Variants in MAP2K4 observed in about 807,000 individuals in gnomAD.
The protein encoded by MAP2K4 is dual specificity mitogen-activated protein kinase kinase 4.
MAP2K4 carries 4 observed loss-of-function variants against 48.5 expected under a neutral mutation model. That is an observed-to-expected ratio of 0.08 (90% CI 0.04 to 0.19). The LOEUF (loss-of-function observed/expected upper bound fraction) is 0.19. Ranked by LOEUF, MAP2K4 falls within the 10% of genes least tolerant of loss-of-function variation. MAP2K4 has a pLI of 1.00. For synonymous variants in MAP2K4, 166 were observed against 173.1 expected (o/e 0.96, Z 0.32); for missense variants, 258 against 493.3 (o/e 0.52, Z 4.52).
At chr17:12,043,310 A>G (rs1969854214) in intron 1 of MAP2K4, among the ~76,000 whole-genome samples, 1 of 152,168 alleles carries the variant, frequency 6.6e-6, no homozygotes, top group Admixed American at 6.5e-5. Context: ...GGAAATTTTT[A>G]TTTCATATTT....
chr17:12,130,676 T>C (rs1157869930), intron 9 of MAP2K4, among the ~76,000 whole-genome samples: 1 of 152,186 alleles, frequency 6.6e-6, no homozygotes, highest in Non-Finnish European at 1.5e-5. Flanking sequence ...GGTTCATAGT[T>C]CCATGTCATT....
chr17:12,126,956 T>A (rs1463065026), intron 8 of MAP2K4, among the ~76,000 whole-genome samples: 1 of 152,188 alleles, frequency 6.6e-6, no homozygotes, highest in East Asian at 1.9e-4. Flanking sequence ...CAGTTTTTGC[T>A]ACCTAAGACT....
At chr17:12,065,258 ATATTAT>A (rs147921985) in intron 2 of MAP2K4, among the ~76,000 whole-genome samples, 24,312 of 136,174 alleles carry the variant, frequency 0.18, 2,464 homozygotes, top group South Asian at 0.32. Context: ...ATATATACAT[ATATTAT>A]TATTATTATT....
intron 1 of MAP2K4, 58 bp downstream of exon 1, chr17:12,021,059 G>T: frequency 9.3e-7 from 1 of 1,072,252 alleles, no homozygotes; most frequent in Non-Finnish European, 1.2e-6. Context: ...CCGCGTCGTC[G>T]CGGCCTGCCC....
intron 1 of MAP2K4, among the ~76,000 whole-genome samples, chr17:12,051,790 T>C (rs1326509959): frequency 1.3e-5 from 2 of 152,140 alleles, no homozygotes; most frequent in Non-Finnish European, 2.9e-5. Flanking sequence ...TCTGAATACA[T>C]GGTGACAGAT....
At chr17:12,058,673 A>G (rs1335356954) in intron 2 of MAP2K4, among the ~76,000 whole-genome samples, 1 of 152,030 alleles carries the variant, frequency 6.6e-6, no homozygotes, top group East Asian at 1.9e-4. Flanking sequence ...TTTTCCTTCA[A>G]CCCCTTAGTT....
At chr17:12,091,232 T>C (rs1411944190) in intron 3 of MAP2K4, among the ~76,000 whole-genome samples, 1 of 152,246 alleles carries the variant, frequency 6.6e-6, no homozygotes, top group Admixed American at 6.5e-5. Context: ...ATCGATGTTA[T>C]AAGCTGTCAA....
chr17:12,083,562 G>T (rs1307061419), intron 3 of MAP2K4, among the ~76,000 whole-genome samples: 1 of 152,184 alleles, frequency 6.6e-6, no homozygotes, highest in Non-Finnish European at 1.5e-5. Context: ...GAGGATGGCA[G>T]TACAACACAT....
At chr17:12,043,606 A>T (rs1366434319) in intron 1 of MAP2K4, among the ~76,000 whole-genome samples, 1 of 152,122 alleles carries the variant, frequency 6.6e-6, no homozygotes, top group African/African-American at 2.4e-5. Context: ...AGCATGTCTT[A>T]TGGAACTCAG....
At chr17:12,093,903 G>A (rs556905190) in intron 3 of MAP2K4, among the ~76,000 whole-genome samples, 73 of 152,220 alleles carry the variant, frequency 4.8e-4, no homozygotes, top group Middle Eastern at 3.4e-3. Flanking sequence ...TATAAAGGTA[G>A]AATATTTACA....
chr17:12,122,672 G>A (rs973542084), intron 7 of MAP2K4, among the ~76,000 whole-genome samples: 9 of 152,078 alleles, frequency 5.9e-5, no homozygotes, highest in African/African-American at 2.2e-4. Context: ...GTAGAATCCT[G>A]AATAGTAATA....
intron 2 of MAP2K4, among the ~76,000 whole-genome samples, chr17:12,073,859 T>C (rs534176771): frequency 1.3e-5 from 2 of 151,220 alleles, no homozygotes; most frequent in South Asian, 4.2e-4. Flanking sequence ...TGGGAACCTC[T>C]GCCTCCCGGG....
chr17:12,054,256 A>G (rs1047405719), intron 1 of MAP2K4, among the ~76,000 whole-genome samples: 4 of 152,160 alleles, frequency 2.6e-5, no homozygotes, highest in Non-Finnish European at 5.9e-5. Flanking sequence ...ATAGGTGTAT[A>G]TGTAACATTT....
chr17:12,040,233 T>A (rs1969736025), intron 1 of MAP2K4, among the ~76,000 whole-genome samples: 1 of 152,142 alleles, frequency 6.6e-6, no homozygotes, highest in Non-Finnish European at 1.5e-5. Flanking sequence ...TTTTCAGACA[T>A]ATGTGGGCTT....
intron 7 of MAP2K4, chr17:12,124,230 G>A (rs1384161428): frequency 6.6e-6 from 1 of 152,208 alleles, no homozygotes; most frequent in African/African-American, 2.4e-5. Flanking sequence ...TTCAACAGCA[G>A]TTACTCTCAG....
chr17:12,039,761 T>C (rs1969717241), intron 1 of MAP2K4, among the ~76,000 whole-genome samples: 2 of 152,218 alleles, frequency 1.3e-5, no homozygotes, highest in African/African-American at 4.8e-5. Context: ...GCACACATTG[T>C]GTTTGGTTGA....
At chr17:12,056,521 AGTATT>A (rs1472211392) in intron 2 of MAP2K4, among the ~76,000 whole-genome samples, 1 of 152,108 alleles carries the variant, frequency 6.6e-6, no homozygotes, top group Non-Finnish European at 1.5e-5. Flanking sequence ...CTTCCCAGCA[AGTATT>A]TAAAATTTGA....
intron 10 of MAP2K4, 55 bp downstream of exon 10, chr17:12,139,939 A>G: frequency 7.7e-7 from 1 of 1,298,600 alleles, no homozygotes; most frequent in Non-Finnish European, 1.1e-6. Context: ...AACTCTCTTA[A>G]CATGCTGGTT....
intron 8 of MAP2K4, 44 bp downstream of exon 8, chr17:12,125,415 A>G: frequency 6.6e-7 from 1 of 1,512,838 alleles, no homozygotes; most frequent in Non-Finnish European, 9.2e-7. Context: ...GCGTAACAAT[A>G]AGAAATTTAG....
Sources: allele counts gnomAD v4.1 joint callset (sites outside exome capture counted in the v4.1 genomes callset), GRCh38; gene constraint gnomAD v4.1.1; transcripts MANE v1.5; gene names NCBI Gene and HGNC (gene_info 2026-07-23, HGNC 2026-07-21).